The following CTNNBIP1 variants were observed in gnomAD, a reference collection of about 807,000 sequenced individuals.
The protein encoded by CTNNBIP1 is beta-catenin-interacting protein 1.
A neutral mutation model predicts 11.8 loss-of-function variants in CTNNBIP1; 7 were observed. The observed-to-expected ratio is 0.60, with a 90% CI of 0.34 to 1.12. CTNNBIP1 has a LOEUF of 1.12. Among genes scored for constraint, CTNNBIP1 ranks in the 50% most tolerant of loss-of-function variants. CTNNBIP1 has a pLI of 0.03. For synonymous variants in CTNNBIP1, 58 were observed against 43.9 expected (o/e 1.32, Z -1.26); for missense variants, 101 against 113.4 (o/e 0.89, Z 0.50).
chr1:9,903,060 C>T (rs1484984395), intron 1 of CTNNBIP1, among the ~76,000 whole-genome samples: 4 of 152,200 alleles, frequency 2.6e-5, no homozygotes, highest in African/African-American at 7.2e-5. Context: ...CCACCACGCC[C>T]GGCTGGGGAA....
chr1:9,888,103 CA>C (rs1639222137), intron 1 of CTNNBIP1, among the ~76,000 whole-genome samples: 1 of 151,672 alleles, frequency 6.6e-6, no homozygotes, highest in African/African-American at 2.4e-5. Flanking sequence ...GAATTACAGG[CA>C]TGAGCCACCA....
At position 9,872,768 on chromosome 1, in the gene CTNNBIP1, G is replaced by A. The variant is rs1031468452; in HGVS notation, c.-24-680C>T. Among the ~76,000 whole-genome samples, 9 of 152,164 alleles carry A rather than the reference G, an allele frequency of 5.9e-5. No individual in the cohort carries two copies. The highest frequency in any genetic ancestry group is 1.7e-4 in the African/African-American group (7 of 41,432). On this transcript the variant is annotated intron_variant, in intron 3 of 5. Coordinates refer to ENST00000377263, the MANE Select transcript of CTNNBIP1 (RefSeq NM_020248.3). This position sits in a 1 kb window ranked among gnomAD's most constrained non-coding sequence, Gnocchi z 4.0. ...GCAGGCAGCTGGGAAGGCCAGCAGCGTGTCCACATGCAGCAGGGACCTAAC... is the reference window on the plus strand; with the variant it reads ...GCAGGCAGCTGGGAAGGCCAGCAGCATGTCCACATGCAGCAGGGACCTAAC...
chr1:9,903,001 G>A (rs1229733856), intron 1 of CTNNBIP1, among the ~76,000 whole-genome samples: 7 of 152,164 alleles, frequency 4.6e-5, no homozygotes, highest in African/African-American at 1.2e-4. Flanking sequence ...TCCTGACCTC[G>A]TGATCCGCCT....
chr1:9,896,814 G>A (rs1212185339), intron 1 of CTNNBIP1, among the ~76,000 whole-genome samples: 1 of 151,836 alleles, frequency 6.6e-6, no homozygotes, highest in East Asian at 1.9e-4. Context: ...TAAAAATACA[G>A]AAATTAGCCA....
intron 1 of CTNNBIP1, among the ~76,000 whole-genome samples, chr1:9,898,416 C>G (rs2101539382): frequency 1.3e-5 from 2 of 152,132 alleles, no homozygotes; most frequent in South Asian, 4.2e-4. Flanking sequence ...CCCAGCTACT[C>G]AGGAGGCTGA....
chr1:9,850,847 G>T, intron 5 of CTNNBIP1, 71 bp from the exon 6 acceptor site: 1 of 1,469,892 alleles, frequency 6.8e-7, no homozygotes, highest in Non-Finnish European at 9.5e-7. Flanking sequence ...AAGCAAGGAG[G>T]CTGCGGCCAA....
intron 5 of CTNNBIP1, among the ~76,000 whole-genome samples, chr1:9,859,242 G>A (rs376450587): frequency 3.7e-4 from 56 of 152,322 alleles, no homozygotes; most frequent in African/African-American, 1.1e-3. Context: ...TGGCAAAGGC[G>A]CAGCTTTCTA....
rs559411013 is a variant in CTNNBIP1, at chr1:9,906,569, A to T, written c.-144+3526T>A. ...AGCAAAACTCCATCTAAAAAAAAAA[A>T]TAATAATAAAGAGCTACACTTCATA... On this transcript the variant is annotated intron_variant, in intron 1 of 5. Transcript: ENST00000377263. Among the ~76,000 whole-genome samples the T allele has an allele frequency of 6.6e-3, 1,002 of 151,492 alleles. 13 individuals are homozygous for T. The highest frequency in any genetic ancestry group is 0.023 in the African/African-American group (942 of 41,174).
chr1:9,909,338 C>G (rs1225194776), intron 1 of CTNNBIP1, among the ~76,000 whole-genome samples: 4 of 152,334 alleles, frequency 2.6e-5, no homozygotes, highest in African/African-American at 9.6e-5. Flanking sequence ...TCATAAAACT[C>G]TTGATTTGCG....
At chr1:9,878,871 A>G (rs902270334) in intron 2 of CTNNBIP1, among the ~76,000 whole-genome samples, 1 of 152,132 alleles carries the variant, frequency 6.6e-6, no homozygotes, top group Admixed American at 6.5e-5. Flanking sequence ...CTGTGGTTAT[A>G]TATTATGCGG....
chr1:9,894,402 G>T (rs1394226341), intron 1 of CTNNBIP1, among the ~76,000 whole-genome samples: 1 of 152,036 alleles, frequency 6.6e-6, no homozygotes, highest in African/African-American at 2.4e-5. Flanking sequence ...GTCACACAGG[G>T]TGGAGTGCAG....
At chr1:9,885,656 A>G (rs1639172872) in intron 1 of CTNNBIP1, among the ~76,000 whole-genome samples, 1 of 151,970 alleles carries the variant, frequency 6.6e-6, no homozygotes, top group Non-Finnish European at 1.5e-5. Context: ...AAAAAAAAAA[A>G]AAAGAGGACA....
At position 9,890,675 on chromosome 1, in the gene CTNNBIP1, G is replaced by A. The variant is rs1379003622; in HGVS notation, c.-143-6937C>T. On this transcript the variant is annotated intron_variant, in intron 1 of 5. Transcript: ENST00000377263. ...TCCTAGCTCTTGCATGGGTACAAGC[G>A]CCCCCTCACTCCTGGGTATGAGGCC... 4.6e-5 allele frequency among the ~76,000 whole-genome samples: 7 copies of A among 152,204 alleles called. No individual in the cohort carries two copies. The East Asian group carries it at 9.7e-4, about 21-fold the overall frequency.
chr1:9,860,454 A>C (rs1767270), intron 5 of CTNNBIP1, among the ~76,000 whole-genome samples: 2 of 133,170 alleles, frequency 1.5e-5, no homozygotes, highest in South Asian at 2.4e-4. Flanking sequence ...AAAAAAAAAA[A>C]CAAAACTTAG....
intron 1 of CTNNBIP1, among the ~76,000 whole-genome samples, chr1:9,885,800 G>A (rs930748339): frequency 1.3e-5 from 2 of 152,022 alleles, no homozygotes; most frequent in Non-Finnish European, 2.9e-5. Context: ...AAAATTAGCC[G>A]TGTTGGTAGT....
intron 1 of CTNNBIP1, among the ~76,000 whole-genome samples, chr1:9,895,488 A>T (rs1310661267): frequency 6.7e-6 from 1 of 148,678 alleles, no homozygotes; most frequent in Non-Finnish European, 1.5e-5. Flanking sequence ...GTGAGCCACC[A>T]TGCCTAGCCT....
At chr1:9,885,135 G>A (rs753375830) in intron 1 of CTNNBIP1, among the ~76,000 whole-genome samples, 3 of 152,208 alleles carry the variant, frequency 2.0e-5, no homozygotes, top group Non-Finnish European at 4.4e-5. Flanking sequence ...GCAGCAGAGG[G>A]TGAGGGTTCA....
At chr1:9,906,821 GC>G (rs1639629471) in intron 1 of CTNNBIP1, among the ~76,000 whole-genome samples, 2 of 152,214 alleles carry the variant, frequency 1.3e-5, no homozygotes, top group Admixed American at 1.3e-4. Flanking sequence ...GCGATGAGAT[GC>G]CCAGGCAAGT....
chr1:9,853,101 C>G (rs994147483), intron 5 of CTNNBIP1, among the ~76,000 whole-genome samples: 6 of 152,206 alleles, frequency 3.9e-5, no homozygotes, highest in Non-Finnish European at 8.8e-5. Flanking sequence ...GCTGCCACCC[C>G]CTTCCCTGGT....
Sources: gnomAD v4.1 joint callset for allele counts (sites outside exome capture counted in the v4.1 genomes callset) on GRCh38, gnomAD v4.1.1 for gene constraint, Gnocchi (gnomAD v3.1) non-coding constraint, MANE v1.5 for transcripts, NCBI Gene and HGNC (gene_info 2026-07-23, HGNC 2026-07-21) for gene names.